Variants in LANCL3 observed in about 807,000 individuals in gnomAD.
LANCL3 encodes the protein lanC-like protein 3.
Under a neutral mutation model 26.5 loss-of-function variants are expected in LANCL3, and 19 were observed. The ratio of observed to expected loss-of-function variants is 0.72; its 90% confidence interval spans 0.50 to 1.05. The LOEUF is 1.05. Among genes scored for constraint, LANCL3 ranks in the 50% least tolerant of loss-of-function variants. LANCL3 has a pLI of 0.00. For missense variants in LANCL3, 318 were observed against 362.7 expected (o/e 0.88, Z 1.00); for synonymous variants, 160 against 166.6 (o/e 0.96, Z 0.30).
At chrX:37,643,220 G>C (rs1925911236) in intron 1 of LANCL3, among the ~76,000 whole-genome samples, 1 of 111,856 alleles carries the variant, frequency 8.9e-6, no homozygotes, top group African/African-American at 3.2e-5. Context: ...TAAGAAAATA[G>C]ACATATTGAT....
chrX:37,587,597 G>A (rs1246121207), intron 1 of LANCL3, among the ~76,000 whole-genome samples: 1 of 113,171 alleles, frequency 8.8e-6, no homozygotes, highest in African/African-American at 3.2e-5. Context: ...CTCCAAGCCA[G>A]GCATGGGATA....
At chrX:37,624,782 T>C (rs782343382) in intron 1 of LANCL3, among the ~76,000 whole-genome samples, 1 of 111,673 alleles carries the variant, frequency 9.0e-6, no homozygotes, top group South Asian at 3.8e-4. Flanking sequence ...TTCTGAGGAA[T>C]AAGAGGTCAT....
intron 1 of LANCL3, among the ~76,000 whole-genome samples, chrX:37,653,799 G>A (rs782703869): frequency 2.7e-4 from 30 of 111,575 alleles, no homozygotes; most frequent in African/African-American, 9.4e-4. Flanking sequence ...CAGTGGGGAT[G>A]CAGCATAGGA....
chrX:37,603,282 G>A (rs149706527), intron 1 of LANCL3, among the ~76,000 whole-genome samples: 2,966 of 112,214 alleles, frequency 0.026, 104 homozygotes, highest in African/African-American at 0.091. Flanking sequence ...TTTTATGCAT[G>A]CCTCAGAGTG....
At chrX:37,664,401 C>G (rs1556433310) in intron 3 of LANCL3, among the ~76,000 whole-genome samples, 1 of 112,025 alleles carries the variant, frequency 8.9e-6, no homozygotes, top group African/African-American at 3.2e-5. Context: ...GCTACTGTGC[C>G]TGGCATATAG....
intron 1 of LANCL3, among the ~76,000 whole-genome samples, chrX:37,613,456 A>G (rs782085969): frequency 8.9e-5 from 10 of 111,932 alleles, no homozygotes; most frequent in Admixed American, 1.9e-4. Flanking sequence ...TATTCAACTC[A>G]ATAAATATTG....
intron 1 of LANCL3, among the ~76,000 whole-genome samples, chrX:37,618,277 T>C (rs1925062696): frequency 1.8e-5 from 2 of 112,343 alleles, no homozygotes; most frequent in Admixed American, 9.4e-5. Flanking sequence ...CATGTGACCC[T>C]GTGTCTCTTA....
intron 1 of LANCL3, among the ~76,000 whole-genome samples, chrX:37,605,203 T>TGAG (rs1487547707): frequency 8.9e-6 from 1 of 112,097 alleles, no homozygotes. Context: ...AACTGCAGAT[T>TGAG]GAGGCCACAG....
intron 1 of LANCL3, among the ~76,000 whole-genome samples, chrX:37,647,146 C>G (rs782762839): frequency 1.8e-5 from 2 of 110,772 alleles, no homozygotes; most frequent in East Asian, 5.7e-4. Flanking sequence ...AACCCCGTCT[C>G]TACTAAAAAT....
intron 3 of LANCL3, among the ~76,000 whole-genome samples, chrX:37,664,795 C>G (rs1428523538): frequency 2.7e-5 from 3 of 111,786 alleles, no homozygotes; most frequent in Non-Finnish European, 5.6e-5. Context: ...TTAGCTCCCA[C>G]TTATAAGTGA....
In LANCL3 at chrX:37,684,073, C is replaced by T. The variant is rs1927000188; in HGVS notation, c.*8260C>T. The T allele has an allele frequency of 8.9e-6, 1 of 112,115 alleles. No individual in the cohort carries two copies. Among genetic ancestry groups the T allele is most frequent in the African/African-American group, 3.2e-5 (1 of 30,858 alleles). The allele number at this position is 112,115 out of a possible 1,213,427, so 9.2% of individuals were successfully genotyped here. ...TAAGAAGGATCAACTTGCAAATGCT[C>T]ATCAGAATTTAGCTTTTGTTATTGG... is the stretch of plus-strand genomic sequence containing the variant. On this transcript the variant is annotated 3_prime_UTR_variant, in exon 5 of 5. Coordinates refer to ENST00000378619, the MANE Select transcript of LANCL3 (RefSeq NM_001170331.2).
Position 37,659,553 on chromosome X carries a change from C to T in LANCL3, c.789C>T (p.Ser263=), listed in dbSNP as rs12009345. 0.2 allele frequency: 238,359 copies of T among 1,205,451 alleles called. 20,831 individuals are homozygous for T. The highest frequency in any genetic ancestry group is 0.63 in the African/African-American group (35,631 of 56,133). ...CAGATCGGGAATTGGTATGGCAGAGCGTGGACTTTCTCATGGAACAGGAAC... is the reference window on the plus strand; with the variant it reads ...CAGATCGGGAATTGGTATGGCAGAGTGTGGACTTTCTCATGGAACAGGAAC... The part of the protein sequence containing the change: ...KPSDRELVWQ[S]VDFLMEQEQN... The change falls in exon 3 of 5, where the codon AGC becomes AGT. Residue 263 remains serine (S), a synonymous_variant. Coordinates refer to ENST00000378619, the MANE Select transcript of LANCL3 (RefSeq NM_001170331.2).
chrX:37,572,020 G>A lies in LANCL3; in HGVS notation c.150G>A (p.Glu50=), dbSNP rs781939260. Reference sequence around the variant, plus strand: ...TTCCCCCACTCGGGGGCGGCGCGGAGGCCCGAGGGGCGACGGCGGGGGCTA... The same window carrying A: ...TTCCCCCACTCGGGGGCGGCGCGGAAGCCCGAGGGGCGACGGCGGGGGCTA... ...QELPPLGGGA[E]ARGATAGASA... is the part of the protein sequence containing the mutation. The change falls in exon 1 of 5, where the codon GAG becomes GAA. Residue 50 remains glutamate, a synonymous_variant. Transcript: ENST00000378619. 1.4e-5 allele frequency: 17 copies of A among 1,183,709 alleles called. No individual in the cohort carries two copies. In the African/African-American group the frequency reaches 3.0e-4, roughly 21 times the overall value.
At chrX:37,609,391 G>A (rs1195247280) in intron 1 of LANCL3, among the ~76,000 whole-genome samples, 1 of 111,922 alleles carries the variant, frequency 8.9e-6, no homozygotes, top group African/African-American at 3.3e-5. Context: ...TCCTGAAGCA[G>A]CTATGAGGGA....
At chrX:37,583,316 A>C (rs1556417341) in intron 1 of LANCL3, among the ~76,000 whole-genome samples, 1 of 111,889 alleles carries the variant, frequency 8.9e-6, no homozygotes, top group Non-Finnish European at 1.9e-5. Flanking sequence ...TTTTGATTCC[A>C]TATGAACTTT....
At chrX:37,643,230 T>C (rs1213166536) in intron 1 of LANCL3, among the ~76,000 whole-genome samples, 1 of 112,065 alleles carries the variant, frequency 8.9e-6, no homozygotes. Flanking sequence ...GACATATTGA[T>C]AAAATAAAAT....
chrX:37,635,674 C>T (rs1472001725), intron 1 of LANCL3, among the ~76,000 whole-genome samples: 3 of 110,618 alleles, frequency 2.7e-5, no homozygotes, highest in Non-Finnish European at 3.8e-5. Flanking sequence ...GGATTTCGAA[C>T]ATTCCCAACA....
chrX:37,667,299 G>C lies in LANCL3; in HGVS notation c.913G>C (p.Ala305Pro), dbSNP rs1556434269. The C allele has an allele frequency of 8.9e-7, 1 of 1,126,150 alleles. No individual in the cohort carries two copies. 92.8% of individuals were successfully genotyped at this position (1,126,150 alleles called of 1,213,427 possible). The change falls in exon 4 of 5, where the codon GCC becomes CCC. Residue 305 changes from alanine (A) to proline (P), a missense_variant. Ala to Pro is a conservative substitution (Grantham distance 27). Transcript: ENST00000378619. ...HGAPGIAYLF[A>P]KAYLVSKKPQ... Reference sequence around the variant, plus strand: ...TTTCACAGGAATTGCCTATCTGTTTGCCAAAGCTTATCTGGTTTCCAAGAA... The same window carrying C: ...TTTCACAGGAATTGCCTATCTGTTTCCCAAAGCTTATCTGGTTTCCAAGAA...
At chrX:37,604,325 G>A (rs977212353) in intron 1 of LANCL3, among the ~76,000 whole-genome samples, 1 of 112,278 alleles carries the variant, frequency 8.9e-6, no homozygotes, top group Non-Finnish European at 1.9e-5. Flanking sequence ...GTCCTATGAG[G>A]TGCTGTAAGA....
Sources: gnomAD v4.1 joint callset for allele counts (sites outside exome capture counted in the v4.1 genomes callset) on GRCh38, gnomAD v4.1.1 for gene constraint, MANE v1.5 for transcripts, NCBI Gene and HGNC (gene_info 2026-07-23, HGNC 2026-07-21) for gene names.